TSNARE1: variants seen among roughly 807,000 people sequenced by gnomAD.
The protein encoded by TSNARE1 is t-SNARE domain containing 1.
Under a neutral mutation model 62.0 loss-of-function variants are expected in TSNARE1, and 49 were observed. That is an observed-to-expected ratio of 0.79 (90% confidence interval 0.63 to 1.00). The LOEUF is 1.00. Among genes scored for constraint, TSNARE1 ranks in the 50% least tolerant of loss-of-function variants. The probability of loss-of-function intolerance (pLI) is 0.00; values close to 1 mark genes in which losing one functional copy is unlikely to be tolerated. For missense variants in TSNARE1, 755 were observed against 700.1 expected (o/e 1.08, Z -0.88); for synonymous variants, 328 against 294.4 (o/e 1.11, Z -1.17).
At chr8:142,402,786 C>A (rs1190241279) in intron 1 of TSNARE1, 4 of 152,232 alleles carry the variant, frequency 2.6e-5, no homozygotes, top group Admixed American at 2.6e-4. Flanking sequence ...CAGAGCCCAC[C>A]GACCTGGGGT....
chr8:142,314,242 G>A (rs567378311), intron 9 of TSNARE1, 142 bp downstream of exon 9: 13 of 710,560 alleles, frequency 1.8e-5, no homozygotes, highest in South Asian at 7.5e-5. Context: ...AAATGCCCAC[G>A]TTTTCAAGGC....
At chr8:142,230,088 A>T (rs1441034923) in intron 12 of TSNARE1, among the ~76,000 whole-genome samples, 1 of 152,204 alleles carries the variant, frequency 6.6e-6, no homozygotes, top group Non-Finnish European at 1.5e-5. Context: ...AATTTAAAAA[A>T]TTCTGGACCC....
chr8:142,227,859 T>C (rs11984762), intron 13 of TSNARE1, among the ~76,000 whole-genome samples: 9,758 of 152,314 alleles, frequency 0.064, 1,095 homozygotes, highest in African/African-American at 0.22. Context: ...ATTTAGATAA[T>C]GGATGTACAA....
intron 4 of TSNARE1, among the ~76,000 whole-genome samples, chr8:142,338,960 G>A (rs548563532): frequency 3.9e-5 from 6 of 152,282 alleles, no homozygotes; most frequent in South Asian, 2.1e-4. Flanking sequence ...TACCCTGCAC[G>A]TGAGCTGCTG....
chr8:142,272,581 C>A (rs1819750287), intron 12 of TSNARE1: 7 of 661,490 alleles, frequency 1.1e-5, no homozygotes, highest in South Asian at 7.5e-5. Flanking sequence ...CCCGTCTACA[C>A]CTTCCTCCTT....
chr8:142,269,538 A>G, intron 12 of TSNARE1: 3 of 984,516 alleles, frequency 3.0e-6, no homozygotes, highest in Non-Finnish European at 3.6e-6. Context: ...TATGCTGTCC[A>G]GGCTGGTCTC....
At chr8:142,342,737 C>T (rs1563950425) in intron 4 of TSNARE1, among the ~76,000 whole-genome samples, 1 of 151,604 alleles carries the variant, frequency 6.6e-6, no homozygotes, top group African/African-American at 2.4e-5. Flanking sequence ...ACGCCCTGCA[C>T]CTGTCCAGGC....
intron 9 of TSNARE1, among the ~76,000 whole-genome samples, chr8:142,312,831 A>G (rs979370305): frequency 6.6e-6 from 1 of 152,128 alleles, no homozygotes; most frequent in Non-Finnish European, 1.5e-5. Context: ...ATAAGCCACC[A>G]CTGCTGTTCA....
chr8:142,371,905 CT>C (rs1442421385), intron 1 of TSNARE1, among the ~76,000 whole-genome samples: 1 of 152,220 alleles, frequency 6.6e-6, no homozygotes, highest in East Asian at 1.9e-4. Flanking sequence ...TGTCTATGGG[CT>C]GCTTTTGTAC....
chr8:142,314,997 C>T lies in TSNARE1; in HGVS notation c.1074+6G>A. 1.2e-6 allele frequency: 2 copies of T among 1,614,128 alleles called. No individual in the cohort carries two copies. Among genetic ancestry groups the T allele is most frequent in the South Asian group, 1.1e-5 (1 of 91,086 alleles). The stretch of plus-strand genomic sequence containing the variant: ...CAGACCCCCACTGCCCCCACCAGCA[C>T]CTCACCTTCTGCACCACTCCATAGC... On this transcript the variant is annotated splice_donor_region_variant and intron_variant, in intron 8 of 13. Coordinates refer to ENST00000524325, the MANE Select transcript of TSNARE1 (RefSeq NM_145003.5).
intron 12 of TSNARE1, among the ~76,000 whole-genome samples, chr8:142,253,339 A>T (rs967351142): frequency 6.6e-6 from 1 of 152,204 alleles, no homozygotes; most frequent in Admixed American, 6.5e-5. Context: ...ACAGGGTCAG[A>T]GGGCCCAGTC....
rs547079530 is a variant in TSNARE1, at chr8:142,316,094, C to T, written c.985-1002G>A. ...GGCCTTGCTCAGCACCTCACGTAAG[C>T]GCAGCGCCTCCCGTAAGAGGGACCC... On this transcript the variant is annotated intron_variant, in intron 7 of 13. Coordinates refer to ENST00000524325, the MANE Select transcript of TSNARE1 (RefSeq NM_145003.5). 1.8e-4 allele frequency among the ~76,000 whole-genome samples: 28 copies of T among 152,062 alleles called. 1 individual carries two copies. The South Asian group carries it at 3.5e-3, about 19-fold the overall frequency.
intron 2 of TSNARE1, among the ~76,000 whole-genome samples, chr8:142,352,494 T>A (rs75610890): frequency 0.028 from 4,267 of 152,344 alleles, 67 homozygotes; most frequent in East Asian, 0.068. Context: ...GCCCTGGCCA[T>A]GGGCACAGGC....
chr8:142,270,091 G>A, intron 12 of TSNARE1: 1 of 985,442 alleles, frequency 1.0e-6, no homozygotes. Flanking sequence ...GCCAGGCAGA[G>A]GCCCCAGACT....
At chr8:142,255,147 C>T (rs979315833) in intron 12 of TSNARE1, among the ~76,000 whole-genome samples, 1 of 151,932 alleles carries the variant, frequency 6.6e-6, no homozygotes, top group Non-Finnish European at 1.5e-5. Flanking sequence ...GGGACTCTGT[C>T]CCCAGCCCCA....
intron 12 of TSNARE1, among the ~76,000 whole-genome samples, chr8:142,259,431 C>A (rs973598040): frequency 6.6e-6 from 1 of 152,126 alleles, no homozygotes; most frequent in Non-Finnish European, 1.5e-5. Flanking sequence ...ACCCTCCCTG[C>A]CCCCCATACC....
At chr8:142,396,806 A>G (rs1350640946) in intron 1 of TSNARE1, among the ~76,000 whole-genome samples, 1 of 152,186 alleles carries the variant, frequency 6.6e-6, no homozygotes, top group African/African-American at 2.4e-5. Context: ...GGAAGAGCCT[A>G]GCAGGTGCCT....
chr8:142,247,624 G>A (rs1367044349), intron 12 of TSNARE1: 1 of 152,256 alleles, frequency 6.6e-6, no homozygotes, highest in African/African-American at 2.4e-5. Flanking sequence ...CTGGAGTGGG[G>A]TGGCTATTCG....
At chr8:142,295,552 A>G (rs1479556702) in intron 10 of TSNARE1, among the ~76,000 whole-genome samples, 1 of 152,236 alleles carries the variant, frequency 6.6e-6, no homozygotes, top group East Asian at 1.9e-4. Flanking sequence ...CCCTGCGGCC[A>G]GTGAACAGGC....
Sources: gnomAD v4.1 joint callset for allele counts (sites outside exome capture counted in the v4.1 genomes callset) on GRCh38, gnomAD v4.1.1 for gene constraint, MANE v1.5 for transcripts, NCBI Gene and HGNC (gene_info 2026-07-23, HGNC 2026-07-21) for gene names.